The following UVRAG variants were observed in gnomAD, a reference collection of about 807,000 sequenced individuals.
The protein encoded by UVRAG is UV radiation resistance associated.
In UVRAG, 19 loss-of-function variants were observed where a neutral mutation model predicts 78.0. The ratio of observed to expected loss-of-function variants is 0.24; its 90% CI spans 0.17 to 0.36. The LOEUF (loss-of-function observed/expected upper bound fraction) is 0.36. UVRAG is among the 10% of genes least tolerant of loss of function. The pLI is 1.00. For synonymous variants in UVRAG, 323 were observed against 324.6 expected, an observed-to-expected ratio of 1.00 and a Z score of 0.05; for missense variants, 740 against 853.8, an observed-to-expected ratio of 0.87 and a Z score of 1.66.
chr11:75,836,577 C>A (rs76372969), intron 1 of UVRAG, among the ~76,000 whole-genome samples: 1,717 of 152,284 alleles, frequency 0.011, 31 homozygotes, highest in African/African-American at 0.039. Flanking sequence ...TTCACAATTT[C>A]TTTGGCATAC....
At chr11:76,121,961 G>A (rs1027753838) in intron 14 of UVRAG, among the ~76,000 whole-genome samples, 3 of 152,084 alleles carry the variant, frequency 2.0e-5, no homozygotes, top group Admixed American at 1.3e-4. Flanking sequence ...TGGGGACCAC[G>A]TCTTACTCAT....
rs192355745 is a variant in UVRAG, at chr11:75,911,909, T to G, written c.508-45T>G. On this transcript the variant is annotated intron_variant, in intron 5 of 14. Coordinates refer to ENST00000356136, the MANE Select transcript of UVRAG (RefSeq NM_003369.4). The stretch of plus-strand genomic sequence containing the variant: ...AGCATGATTAATTTGTGCATATATT[T>G]TATTTTGTTTGGTTTTGATTAATTT... 4 of 1,266,222 alleles carry G rather than the reference T, an allele frequency of 3.2e-6. No individual in the cohort carries two copies. The African/African-American group carries it at 5.8e-5, about 18-fold the overall frequency. 78.4% of individuals were successfully genotyped at this position (1,266,222 alleles called of 1,614,324 possible). A position where few individuals can be genotyped will look rare whatever the true frequency, so the allele number is the denominator to read the frequency against.
chr11:76,056,953 T>C (rs1488556011), intron 12 of UVRAG, among the ~76,000 whole-genome samples: 2 of 152,110 alleles, frequency 1.3e-5, no homozygotes, highest in Non-Finnish European at 2.9e-5. Context: ...TCTGGGAAGA[T>C]TTAAGGAGCA....
At chr11:76,113,391 A>G (rs1303701488) in intron 13 of UVRAG, among the ~76,000 whole-genome samples, 3 of 152,050 alleles carry the variant, frequency 2.0e-5, no homozygotes, top group Admixed American at 6.6e-5. Context: ...TCATGGTGGG[A>G]GCATAGTAGA....
At chr11:76,033,048 G>T (rs926671133) in intron 12 of UVRAG, among the ~76,000 whole-genome samples, 2 of 152,166 alleles carry the variant, frequency 1.3e-5, no homozygotes, top group Non-Finnish European at 2.9e-5. Flanking sequence ...ATAAATATAT[G>T]ACTAATTTGA....
chr11:75,859,231 C>T (rs1047118197), intron 2 of UVRAG, among the ~76,000 whole-genome samples: 8 of 152,090 alleles, frequency 5.3e-5, no homozygotes, highest in East Asian at 3.9e-4. Flanking sequence ...AAAAATTAGC[C>T]GGGCGGTGGT....
rs190863828 is a variant in UVRAG at position 75,897,179 on chromosome 11, C to T, written c.507+8276C>T. 2.3e-3 allele frequency among the ~76,000 whole-genome samples: 357 copies of T among 152,254 alleles called. 5 individuals are homozygous for T. The highest frequency in any genetic ancestry group is 0.014 in the Admixed American group (216 of 15,290). On this transcript the variant is annotated intron_variant, in intron 5 of 14. Coordinates refer to ENST00000356136, the MANE Select transcript of UVRAG (RefSeq NM_003369.4). ...AAATAACCATATAACTTGATCGTCT[C>T]GAGTACATAGGCTGAGATTGAAGAT...
At chr11:76,005,076 G>A (rs1949904131) in intron 9 of UVRAG, among the ~76,000 whole-genome samples, 1 of 151,518 alleles carries the variant, frequency 6.6e-6, no homozygotes, top group Non-Finnish European at 1.5e-5. Flanking sequence ...GGGCATGGTG[G>A]CTCACACCTG....
At position 76,095,452 on chromosome 11, in the gene UVRAG, G is replaced by A. The variant is rs111986469; in HGVS notation, c.1306-20472G>A. Among the ~76,000 whole-genome samples, 1,036 of 151,630 alleles carry A rather than the reference G, an allele frequency of 6.8e-3. 17 individuals carry two copies. Among genetic ancestry groups the A allele is most frequent in the African/African-American group, 0.024 (992 of 41,354 alleles). On this transcript the variant is annotated intron_variant, in intron 13 of 14. Coordinates refer to ENST00000356136, the MANE Select transcript of UVRAG (RefSeq NM_003369.4). ...TTAAGCTAATTAAGCCATTAAAAAAGCATGTTATTAAATTTACATATGTAA... is the reference window on the plus strand; with the variant it reads ...TTAAGCTAATTAAGCCATTAAAAAAACATGTTATTAAATTTACATATGTAA...
chr11:76,061,586 G>C (rs539117352), intron 12 of UVRAG, among the ~76,000 whole-genome samples: 1 of 151,630 alleles, frequency 6.6e-6, no homozygotes, highest in East Asian at 1.9e-4. Context: ...CGGGAGGAAC[G>C]AACAACTCCA....
chr11:76,070,453 G>GT (rs1194029885), intron 13 of UVRAG, among the ~76,000 whole-genome samples: 4 of 152,100 alleles, frequency 2.6e-5, no homozygotes, highest in African/African-American at 9.7e-5. Context: ...GATTTCTACA[G>GT]TTTTTATCAC....
In UVRAG at chr11:75,860,918, A is replaced by T. The variant is rs146045838; in HGVS notation, c.236-828A>T. Among the ~76,000 whole-genome samples, 765 of 152,038 alleles carry T rather than the reference A, an allele frequency of 5.0e-3. 6 individuals are homozygous for T. Among genetic ancestry groups the T allele is most frequent in the African/African-American group, 0.017 (721 of 41,480 alleles). ...CTCCTGCTTCAGCCTCCCAAGTAGCAGGGATTACAAGCATGTGCCACCACA... is the reference window on the plus strand; with the variant it reads ...CTCCTGCTTCAGCCTCCCAAGTAGCTGGGATTACAAGCATGTGCCACCACA... On this transcript the variant is annotated intron_variant, in intron 2 of 14. Coordinates refer to ENST00000356136, the MANE Select transcript of UVRAG (RefSeq NM_003369.4).
chr11:75,884,212 G>GTCTC (rs138821865), intron 4 of UVRAG, among the ~76,000 whole-genome samples: 3,839 of 144,112 alleles, frequency 0.027, 178 homozygotes, highest in African/African-American at 0.091. Flanking sequence ...TTTGAGATCA[G>GTCTC]TCTCTCTCTC....
intron 14 of UVRAG, among the ~76,000 whole-genome samples, chr11:76,123,539 T>C (rs1169292445): frequency 6.6e-6 from 1 of 152,144 alleles, no homozygotes; most frequent in Non-Finnish European, 1.5e-5. Flanking sequence ...AGAATAAGAA[T>C]AAGATGAAAG....
chr11:75,961,222 A>G (rs757160298), intron 6 of UVRAG, among the ~76,000 whole-genome samples: 1 of 152,066 alleles, frequency 6.6e-6, no homozygotes, highest in African/African-American at 2.4e-5. Context: ...CTCACAGTAC[A>G]TCAGAGGCAG....
At chr11:76,063,365 G>T (rs1261967735) in intron 12 of UVRAG, among the ~76,000 whole-genome samples, 2 of 152,208 alleles carry the variant, frequency 1.3e-5, no homozygotes, top group African/African-American at 4.8e-5. Flanking sequence ...GTAGATAAAG[G>T]TGGGCTCTGA....
At chr11:75,939,350 C>T (rs963974692) in intron 6 of UVRAG, among the ~76,000 whole-genome samples, 1 of 152,028 alleles carries the variant, frequency 6.6e-6, no homozygotes, top group African/African-American at 2.4e-5. Context: ...TGACTATGGG[C>T]CAGGCAGAGT....
At chr11:75,958,782 T>G (rs1349607421) in intron 6 of UVRAG, among the ~76,000 whole-genome samples, 1 of 152,212 alleles carries the variant, frequency 6.6e-6, no homozygotes, top group Non-Finnish European at 1.5e-5. Flanking sequence ...ATCAATTATC[T>G]GTGGCAACTC....
At chr11:76,136,915 A>G (rs1464543338) in intron 14 of UVRAG, among the ~76,000 whole-genome samples, 2 of 152,206 alleles carry the variant, frequency 1.3e-5, no homozygotes, top group Admixed American at 6.5e-5. Flanking sequence ...TTATTTTTTT[A>G]TATAGTTAAC....
Sources: allele counts gnomAD v4.1 joint callset (sites outside exome capture counted in the v4.1 genomes callset), GRCh38; gene constraint gnomAD v4.1.1; transcripts MANE v1.5; gene names NCBI Gene and HGNC (gene_info 2026-07-23, HGNC 2026-07-21).